The following RSF1 variants were observed in gnomAD, a reference collection of about 807,000 sequenced individuals.
RSF1 encodes the protein HBV pX-associated protein 8.
In RSF1, 13 loss-of-function variants were observed where a neutral mutation model predicts 145.2. The ratio of observed to expected loss-of-function variants is 0.09; its 90% CI spans 0.06 to 0.14. The LOEUF is 0.14. Ranked by LOEUF, RSF1 falls within the 10% of genes least tolerant of loss-of-function variation. The probability of loss-of-function intolerance (pLI) is 1.00; values close to 1 mark genes in which losing one functional copy is unlikely to be tolerated. For synonymous variants in RSF1, 577 were observed against 592.6 expected (o/e 0.97, Z 0.38); for missense variants, 1,517 against 1,718.2 (o/e 0.88, Z 2.07).
chr11:77,805,487 A>C (rs1369661841), intron 1 of RSF1, among the ~76,000 whole-genome samples: 2 of 152,142 alleles, frequency 1.3e-5, no homozygotes, highest in African/African-American at 4.8e-5. Flanking sequence ...TATCTCACTA[A>C]AGAAAACTTT....
At chr11:77,694,570 C>T (rs922951176) in intron 7 of RSF1, among the ~76,000 whole-genome samples, 1 of 152,178 alleles carries the variant, frequency 6.6e-6, no homozygotes, top group Non-Finnish European at 1.5e-5. Context: ...TTTAGATTTA[C>T]AGAAGAGTTT....
At chr11:77,824,984 G>C (rs1190207372), upstream of RSF1, among the ~76,000 whole-genome samples, 2 of 151,748 alleles carry the variant, frequency 1.3e-5, no homozygotes, top group African/African-American at 2.4e-5. Flanking sequence ...TTTTGTTGTT[G>C]TTGTTTTTCT....
In RSF1 at chr11:77,663,862, T is replaced by C. The variant is rs886741638; in HGVS notation, c.*3055A>G. 2.0e-5 allele frequency: 3 copies of C among 152,174 alleles called. No homozygotes were observed. Among genetic ancestry groups the C allele is most frequent in the African/African-American group, 7.2e-5 (3 of 41,448 alleles). The allele number at this position is 152,174 out of a possible 1,614,324, so 9.4% of individuals were successfully genotyped here. ...CTGAATATTAATCTACATCTCCCTTTAATACATTAGCTACAGTCTAGAGTT... is the reference window on the plus strand; with the variant it reads ...CTGAATATTAATCTACATCTCCCTTCAATACATTAGCTACAGTCTAGAGTT... On this transcript the variant is annotated 3_prime_UTR_variant, in exon 16 of 16. Transcript: ENST00000308488.
intron 1 of RSF1, among the ~76,000 whole-genome samples, chr11:77,804,927 C>T (rs1310152530): frequency 3.9e-5 from 6 of 152,172 alleles, no homozygotes; most frequent in Non-Finnish European, 2.9e-5. Flanking sequence ...ATCTCTTTAC[C>T]AACTTTCAAC....
chr11:77,759,090 GGTT>G (rs1180751563), intron 2 of RSF1, among the ~76,000 whole-genome samples: 1 of 152,048 alleles, frequency 6.6e-6, no homozygotes, highest in East Asian at 1.9e-4. Flanking sequence ...CTTATATTTA[GGTT>G]GTTGATCTAT....
rs1959570888 is a variant in RSF1 at position 77,672,096 on chromosome 11, C to G, written c.3697G>C (p.Gly1233Arg). The change falls in exon 15 of 16, where the codon GGT becomes CGT. Residue 1233 changes from glycine (G) to arginine (R), a missense_variant. By Grantham distance (125) the Gly-to-Arg change is moderately radical. Around this residue, in one of 12 missense-constraint regions of RSF1, gnomAD observed 240 missense variants for 231.8 expected, o/e 1.04. Transcript: ENST00000308488. ...SDGSQKSLRR[G>R]KEIRRVHKRR... ...TTGTGTACTCGCCTTATTTCTTTAC[C>G]ACGTCGCAAACTCTTCTGGGAACCG... 3.1e-6 allele frequency: 5 copies of G among 1,613,738 alleles called. No homozygotes were observed. Among genetic ancestry groups the G allele is most frequent in the Non-Finnish European group, 4.2e-6 (5 of 1,179,892 alleles).
chr11:77,691,685 G>A (rs1960153957), intron 8 of RSF1: 1 of 152,740 alleles, frequency 6.5e-6, no homozygotes. Context: ...ACAACTAATT[G>A]ATCCCAACCA....
chr11:77,681,741 CT>C (rs1390643795), intron 11 of RSF1, among the ~76,000 whole-genome samples: 1 of 152,230 alleles, frequency 6.6e-6, no homozygotes. Flanking sequence ...CCTTTTGCAT[CT>C]GATGTTATAC....
intron 11 of RSF1, among the ~76,000 whole-genome samples, chr11:77,680,756 G>C (rs1357319795): frequency 2.0e-5 from 3 of 152,112 alleles, no homozygotes; most frequent in South Asian, 2.1e-4. Flanking sequence ...TTTCACAATT[G>C]CAATATTATG....
chr11:77,741,308 C>T (rs761255854), intron 3 of RSF1, among the ~76,000 whole-genome samples: 27 of 152,120 alleles, frequency 1.8e-4, no homozygotes, highest in Middle Eastern at 3.4e-3. Flanking sequence ...TTTGGGAGGC[C>T]GAGGCAGGAG....
intron 1 of RSF1, among the ~76,000 whole-genome samples, chr11:77,803,293 G>C (rs1413791875): frequency 6.6e-6 from 1 of 152,028 alleles, no homozygotes; most frequent in Non-Finnish European, 1.5e-5. Flanking sequence ...GACTACAGTT[G>C]CATGTCACCA....
intron 5 of RSF1, among the ~76,000 whole-genome samples, chr11:77,715,257 C>T (rs1309806838): frequency 6.6e-6 from 1 of 151,982 alleles, no homozygotes; most frequent in African/African-American, 2.4e-5. Flanking sequence ...GAAATGCAAA[C>T]GTCAATGTAT....
At chr11:77,680,974 T>C (rs1425566152) in intron 11 of RSF1, among the ~76,000 whole-genome samples, 2 of 152,234 alleles carry the variant, frequency 1.3e-5, no homozygotes, top group Non-Finnish European at 2.9e-5. Flanking sequence ...ACTTTCTTAC[T>C]GAGAAATTTG....
intron 9 of RSF1, 74 bp from the exon 10 acceptor site, chr11:77,685,233 CAT>C: frequency 1.3e-6 from 1 of 788,928 alleles, no homozygotes; most frequent in Non-Finnish European, 2.0e-6. Flanking sequence ...CACGAATACA[CAT>C]AATGTTAAAA....
At chr11:77,705,546 C>G (rs1590841328) in intron 5 of RSF1, among the ~76,000 whole-genome samples, 1 of 152,180 alleles carries the variant, frequency 6.6e-6, no homozygotes, top group East Asian at 1.9e-4. Context: ...TCTCCTCTTC[C>G]TTTTTACAAA....
intron 9 of RSF1, among the ~76,000 whole-genome samples, chr11:77,688,171 A>G (rs1336197264): frequency 6.6e-6 from 1 of 152,142 alleles, no homozygotes; most frequent in African/African-American, 2.4e-5. Context: ...GCGTGCCTGT[A>G]ATCCCAGCTA....
chr11:77,831,714 GAGAC>G, the RSF1 span, among the ~76,000 whole-genome samples: 1 of 124,814 alleles, frequency 8.0e-6, no homozygotes, highest in Admixed American at 8.9e-5. Flanking sequence ...TTTTTTTTCT[GAGAC>G]AGGGTCTCAC....
the RSF1 span, among the ~76,000 whole-genome samples, chr11:77,843,098 T>C: frequency 1.3e-5 from 2 of 152,334 alleles, no homozygotes; most frequent in African/African-American, 4.8e-5. Context: ...TGCCAGACTA[T>C]CTTCCAAGGC....
the RSF1 span, chr11:77,850,953 C>CTTTTTTT: frequency 2.5e-5 from 3 of 119,554 alleles, no homozygotes; most frequent in Admixed American, 9.2e-5. Flanking sequence ...ACAATAATAT[C>CTTTTTTT]TTTTTTTTTT....
Sources: gnomAD v4.1 joint callset for allele counts (sites outside exome capture counted in the v4.1 genomes callset) on GRCh38, gnomAD v4.1.1 for gene constraint, gnomAD v4.1.1 regional missense constraint, MANE v1.5 for transcripts, NCBI Gene and HGNC (gene_info 2026-07-23, HGNC 2026-07-21) for gene names.